The following ACADL variants were observed in gnomAD, a reference collection of about 807,000 sequenced individuals.
ACADL encodes the protein acyl-CoA dehydrogenase long chain.
Under a neutral mutation model 56.9 loss-of-function variants are expected in ACADL, and 60 were observed. That is an observed-to-expected ratio of 1.05 (90% confidence interval 0.86 to 1.31). The LOEUF (loss-of-function observed/expected upper bound fraction) is 1.31, where lower values mean the gene tolerates loss of function less well. ACADL is among the 50% of genes most tolerant of loss of function. ACADL has a pLI of 0.00. For missense variants in ACADL, 484 were observed against 525.5 expected (o/e 0.92, Z 0.77); for synonymous variants, 158 against 179.7 (o/e 0.88, Z 0.97).
chr2:210,216,759 A>C, intron 3 of ACADL: 14 of 428,232 alleles, frequency 3.3e-5, no homozygotes, highest in East Asian at 1.0e-4. Flanking sequence ...ATATTTTAAA[A>C]TATGAATCAC....
chr2:210,192,807 G>T lies in ACADL; in HGVS notation c.1196C>A (p.Ala399Glu). 1 of 1,610,492 alleles carries T rather than the reference G, an allele frequency of 6.2e-7. No homozygotes were observed. The highest frequency in any genetic ancestry group is 8.5e-7 in the Non-Finnish European group (1 of 1,176,954). ...TGTATCAGAAAACTATACTTACTTT[G>T]CAATTGGGTACTCCCACATGTATCC... ...GWGYMWEYPI[A>E]KAYVDARVQP... The change falls in exon 10 of 11, where the codon GCA (alanine) becomes GAA (glutamate). Residue 399 changes from alanine (A) to glutamate (E), a missense_variant. By Grantham distance (107) the Ala-to-Glu change is moderately radical. Coordinates refer to ENST00000233710, the MANE Select transcript of ACADL (RefSeq NM_001608.4).
intron 3 of ACADL, 81 bp from the exon 4 acceptor site, chr2:210,216,592 C>T (rs1222833448): frequency 7.4e-7 from 1 of 1,348,150 alleles, no homozygotes; most frequent in Non-Finnish European, 1.0e-6. Flanking sequence ...TATTAAGGTC[C>T]TATCAAATTG....
intron 5 of ACADL, among the ~76,000 whole-genome samples, chr2:210,208,803 T>C (rs2125713953): frequency 6.6e-6 from 1 of 152,342 alleles, no homozygotes; most frequent in Admixed American, 6.5e-5. Context: ...TGTTAATGGC[T>C]GCACATTCGT....
intron 10 of ACADL, among the ~76,000 whole-genome samples, chr2:210,189,797 A>T (rs1284921042): frequency 6.6e-6 from 1 of 152,178 alleles, no homozygotes; most frequent in Non-Finnish European, 1.5e-5. Flanking sequence ...AAATGTTAAT[A>T]CTGTTTCCCT....
intron 1 of ACADL, 69 bp from the exon 2 acceptor site, chr2:210,220,871 C>T: frequency 8.3e-7 from 1 of 1,208,176 alleles, no homozygotes. Flanking sequence ...ATTAGTGCCA[C>T]TGAACAACAT....
rs571526988 is a variant in ACADL, at chr2:210,224,824, G to C, written c.77+363C>G. On this transcript the variant is annotated intron_variant, in intron 1 of 10. Coordinates refer to ENST00000233710, the MANE Select transcript of ACADL (RefSeq NM_001608.4). ...CCCGCGCTCCTGCAGCCGGGCCCAG[G>C]GGGTGACCACCTCCTCCCAAAACGC... 9.0e-5 allele frequency: 92 copies of C among 1,017,674 alleles called. No homozygotes were observed. In the African/African-American group the frequency reaches 1.4e-3, roughly 15 times the overall value. 63.0% of individuals were successfully genotyped at this position (1,017,674 alleles called of 1,614,324 possible).
intron 5 of ACADL, among the ~76,000 whole-genome samples, chr2:210,209,246 G>C (rs1688941433): frequency 6.6e-6 from 1 of 152,144 alleles, no homozygotes. Context: ...CAGAAAGATT[G>C]TTTTAGAACA....
rs2125711199 is a variant in ACADL at position 210,201,080 on chromosome 2, A to T, written c.984+2251T>A. Reference sequence around the variant, plus strand: ...CTTTCCCAACTGATCCTTTCTGAATAATGCCCACCTGTGCACTGGGAGGAC... The same window carrying T: ...CTTTCCCAACTGATCCTTTCTGAATTATGCCCACCTGTGCACTGGGAGGAC... On this transcript the variant is annotated intron_variant, in intron 8 of 10. Transcript: ENST00000233710. Among the ~76,000 whole-genome samples, 3 of 152,262 alleles carry T rather than the reference A, an allele frequency of 2.0e-5. No homozygotes were observed. The South Asian group carries it at 6.2e-4, about 32-fold the overall frequency.
In ACADL at chr2:210,188,803, C is replaced by A. The variant is rs773307466; in HGVS notation, c.*158G>T. 3 of 603,926 alleles carry A rather than the reference C, an allele frequency of 5.0e-6. No homozygotes were observed. Among genetic ancestry groups the A allele is most frequent in the Non-Finnish European group, 8.8e-6 (3 of 339,062 alleles). The allele number at this position is 603,926 out of a possible 1,614,324, so 37.4% of individuals were successfully genotyped here. ...ATTTTGGCTTCAAAGATTTGTCCTTCCACTGTGTTAATCTTATATTTATAT... is the reference window on the plus strand; with the variant it reads ...ATTTTGGCTTCAAAGATTTGTCCTTACACTGTGTTAATCTTATATTTATAT... On this transcript the variant is annotated 3_prime_UTR_variant, in exon 11 of 11. Coordinates refer to ENST00000233710, the MANE Select transcript of ACADL (RefSeq NM_001608.4).
rs1559632589 is a variant in ACADL, at chr2:210,192,900, C to T, written c.1113-10G>A. On this transcript the variant is annotated splice_polypyrimidine_tract_variant and intron_variant, in intron 9 of 10. Coordinates refer to ENST00000233710, the MANE Select transcript of ACADL (RefSeq NM_001608.4). ...TTGTAACTCAGATGCCCTAAATGAC[C>T]AAAATAAAAGGCAGAAAAGAAATGT... The T allele has an allele frequency of 6.2e-7, 1 of 1,606,730 alleles. No homozygotes were observed. The highest frequency in any genetic ancestry group is 8.5e-7 in the Non-Finnish European group (1 of 1,173,780).
intron 8 of ACADL, among the ~76,000 whole-genome samples, chr2:210,200,511 G>A (rs1463756313): frequency 3.9e-5 from 6 of 152,072 alleles, no homozygotes; most frequent in East Asian, 1.9e-4. Flanking sequence ...CCTCTGATAC[G>A]TGTAAATCAG....
intron 8 of ACADL, among the ~76,000 whole-genome samples, chr2:210,201,763 C>T (rs559762870): frequency 6.6e-6 from 1 of 152,206 alleles, no homozygotes; most frequent in East Asian, 1.9e-4. Flanking sequence ...ATAAACTATT[C>T]CTTCATTTAA....
At chr2:210,196,928 C>T (rs547629993) in intron 8 of ACADL, among the ~76,000 whole-genome samples, 1 of 152,308 alleles carries the variant, frequency 6.6e-6, no homozygotes, top group African/African-American at 2.4e-5. Flanking sequence ...TGGTGGGACA[C>T]ATTCTCAGAA....
At chr2:210,191,461 C>G (rs1426233462) in intron 10 of ACADL, among the ~76,000 whole-genome samples, 1 of 152,130 alleles carries the variant, frequency 6.6e-6, no homozygotes, top group Non-Finnish European at 1.5e-5. Context: ...ACGCTCTAAT[C>G]TTAAGCCATT....
intron 4 of ACADL, among the ~76,000 whole-genome samples, chr2:210,214,976 A>G (rs190955018): frequency 6.6e-6 from 1 of 152,340 alleles, no homozygotes; most frequent in East Asian, 1.9e-4. Flanking sequence ...AAGTCATGCT[A>G]TAGAATATTA....
chr2:210,199,270 A>G (rs1688757739), intron 8 of ACADL, among the ~76,000 whole-genome samples: 1 of 152,146 alleles, frequency 6.6e-6, no homozygotes, highest in Admixed American at 6.5e-5. Context: ...GGAAGATCAG[A>G]AGACATATCT....
At chr2:210,196,030 T>G (rs1688705834) in intron 8 of ACADL, among the ~76,000 whole-genome samples, 1 of 152,026 alleles carries the variant, frequency 6.6e-6, no homozygotes, top group Non-Finnish European at 1.5e-5. Context: ...AATCCCCACA[T>G]GTTGTGGGAG....
Position 210,204,563 on chromosome 2 carries a change from T to A in ACADL, c.870+18A>T. 6.6e-7 allele frequency: 1 copy of A among 1,511,384 alleles called. No homozygotes were observed. The allele number at this position is 1,511,384 out of a possible 1,614,324, so 93.6% of individuals were successfully genotyped here. The stretch of plus-strand genomic sequence containing the variant: ...TTCATTATTCAGTCAAAAGATGGAA[T>A]CTTTAAACACTTCTGACCTGTGGAA... On this transcript the variant is annotated intron_variant, in intron 7 of 10. Coordinates refer to ENST00000233710, the MANE Select transcript of ACADL (RefSeq NM_001608.4).
chr2:210,219,432 C>A (rs1409165787), intron 2 of ACADL, among the ~76,000 whole-genome samples: 1 of 152,090 alleles, frequency 6.6e-6, no homozygotes, highest in Non-Finnish European at 1.5e-5. Context: ...CCCCTGCACT[C>A]CAGCCTTGGC....
Sources: gnomAD v4.1 joint callset for allele counts (sites outside exome capture counted in the v4.1 genomes callset) on GRCh38, gnomAD v4.1.1 for gene constraint, MANE v1.5 for transcripts, NCBI Gene and HGNC (gene_info 2026-07-23, HGNC 2026-07-21) for gene names.